COL5A1: variants seen among roughly 807,000 people sequenced by gnomAD.
The protein encoded by COL5A1 is collagen alpha-1(V) chain.
COL5A1 carries 16 observed loss-of-function variants against 263.7 expected under a neutral mutation model. That is an observed-to-expected ratio of 0.06 (90% CI 0.04 to 0.09). The LOEUF (loss-of-function observed/expected upper bound fraction) is 0.09. COL5A1 is among the 10% of genes least tolerant of loss of function. The pLI is 1.00. For missense variants in COL5A1, 2,036 were observed against 2,540.5 expected (o/e 0.80, Z 4.27); for synonymous variants, 1,012 against 1,004.5 (o/e 1.01, Z -0.14).
chr9:134,710,394 G>A (rs1333556467), intron 4 of COL5A1, among the ~76,000 whole-genome samples: 2 of 152,260 alleles, frequency 1.3e-5, no homozygotes, highest in South Asian at 2.1e-4. Flanking sequence ...CAAGCTCAGT[G>A]GGCAGGTAGG....
At chr9:134,711,817 C>T (rs1834051856) in intron 4 of COL5A1, among the ~76,000 whole-genome samples, 1 of 152,064 alleles carries the variant, frequency 6.6e-6, no homozygotes, top group Non-Finnish European at 1.5e-5. Context: ...TCTTCAGTCA[C>T]ATCTCCTGTG....
At chr9:134,775,012 T>A in intron 27 of COL5A1, 100 bp downstream of exon 27, 3 of 1,100,328 alleles carry the variant, frequency 2.7e-6, no homozygotes, top group Non-Finnish European at 4.1e-6. Flanking sequence ...TGGTTTAATG[T>A]CCCTGCTATT....
intron 9 of COL5A1, among the ~76,000 whole-genome samples, chr9:134,734,714 C>A (rs1369759709): frequency 6.6e-6 from 1 of 152,248 alleles, no homozygotes; most frequent in East Asian, 1.9e-4. Context: ...TCATCCTTAT[C>A]CTTGTGCTTC....
chr9:134,749,772 C>T (rs1835708629), intron 11 of COL5A1, among the ~76,000 whole-genome samples: 1 of 152,234 alleles, frequency 6.6e-6, no homozygotes, highest in Admixed American at 6.5e-5. Flanking sequence ...CAAGCCTCAT[C>T]TACTTTAGGC....
chr9:134,649,283 T>G, intron 1 of COL5A1: 1 of 327,942 alleles, frequency 3.0e-6, no homozygotes, highest in Non-Finnish European at 5.9e-6. Flanking sequence ...AGCAGAGGAG[T>G]TTTTCTGGAG....
intron 4 of COL5A1, among the ~76,000 whole-genome samples, chr9:134,715,587 CG>C (rs1554785031): frequency 6.6e-6 from 1 of 152,188 alleles, no homozygotes; most frequent in Non-Finnish European, 1.5e-5. Flanking sequence ...CAGAGGTCCC[CG>C]CGGCCTTCTG....
rs1588507183 is a variant in COL5A1, at chr9:134,755,267, T to C, written c.1827+941T>C. Among the ~76,000 whole-genome samples the C allele has an allele frequency of 6.6e-6, 1 of 152,218 alleles. No homozygotes were observed. The highest frequency in any genetic ancestry group is 1.9e-4 in the East Asian group (1 of 5,192). ...TTGGATCTGATTCTGAAAAATGTTT[T>C]ATTTCCTTAAGGTGTTTTTGTGTGT... On this transcript the variant is annotated intron_variant, in intron 16 of 65. Coordinates refer to ENST00000371817, the MANE Select transcript of COL5A1 (RefSeq NM_000093.5). The surrounding 1 kb of genome is among the most constrained non-coding windows in gnomAD (Gnocchi z 4.1).
intron 50 of COL5A1, among the ~76,000 whole-genome samples, chr9:134,815,146 G>A (rs1203533349): frequency 6.6e-6 from 1 of 152,266 alleles, no homozygotes; most frequent in Non-Finnish European, 1.5e-5. Flanking sequence ...TGGGCCAGGC[G>A]GCCGGCTGAG....
At chr9:134,692,584 G>T (rs760808860) in intron 2 of COL5A1, among the ~76,000 whole-genome samples, 1 of 152,180 alleles carries the variant, frequency 6.6e-6, no homozygotes, top group Non-Finnish European at 1.5e-5. Flanking sequence ...TGTGTGACAC[G>T]CTGAGGGGCA....
At chr9:134,836,900 G>A (rs1839871711) in intron 65 of COL5A1, among the ~76,000 whole-genome samples, 4 of 152,226 alleles carry the variant, frequency 2.6e-5, no homozygotes, top group Admixed American at 2.0e-4. Context: ...TCAGTACTTC[G>A]GATCTGACTG....
chr9:134,770,583 C>T (rs913681804), intron 25 of COL5A1, among the ~76,000 whole-genome samples: 9 of 152,196 alleles, frequency 5.9e-5, no homozygotes, highest in African/African-American at 9.7e-5. Flanking sequence ...TCTGCAGAGA[C>T]GACAGATGAT....
At chr9:134,820,317 C>A in intron 58 of COL5A1, 94 bp downstream of exon 58, 1 of 960,776 alleles carries the variant, frequency 1.0e-6, no homozygotes. Flanking sequence ...CATCAGAGCC[C>A]GGAAGGACGT....
chr9:134,776,836 C>T lies in COL5A1; in HGVS notation c.2385+1924C>T, dbSNP rs1003384820. 7.9e-5 allele frequency among the ~76,000 whole-genome samples: 12 copies of T among 152,300 alleles called. No individual in the cohort carries two copies. In the South Asian group the frequency reaches 1.7e-3, roughly 21 times the overall value. On this transcript the variant is annotated intron_variant, in intron 27 of 65. Transcript: ENST00000371817. ...ACAGCACCAGCAGATGCAGTGTCTG[C>T]GGAAGGCTGCTGTCTAGTTCCTTGA... is the stretch of plus-strand genomic sequence containing the variant.
At chr9:134,837,458 C>G (rs1839886128) in intron 65 of COL5A1, among the ~76,000 whole-genome samples, 1 of 151,996 alleles carries the variant, frequency 6.6e-6, no homozygotes, top group Non-Finnish European at 1.5e-5. Flanking sequence ...GCTTTTAAGA[C>G]CTTCCTGGAA....
At chr9:134,665,171 C>G (rs1271944946) in intron 1 of COL5A1, among the ~76,000 whole-genome samples, 3 of 152,198 alleles carry the variant, frequency 2.0e-5, no homozygotes, top group Non-Finnish European at 4.4e-5. Flanking sequence ...TGCACTCCAG[C>G]CTGGGCGACA....
intron 34 of COL5A1, 150 bp downstream of exon 34, chr9:134,795,465 C>A: frequency 1.5e-6 from 1 of 687,652 alleles, no homozygotes; most frequent in Non-Finnish European, 2.4e-6. Context: ...AGAAGCTTGT[C>A]CCCTCCAGCA....
intron 65 of COL5A1, among the ~76,000 whole-genome samples, chr9:134,840,400 C>G (rs181896398): frequency 6.6e-6 from 1 of 152,178 alleles, no homozygotes; most frequent in Non-Finnish European, 1.5e-5. Flanking sequence ...GAGCTTCATT[C>G]CTTCTCACAG....
chr9:134,745,668 A>G (rs1835484467), intron 11 of COL5A1, among the ~76,000 whole-genome samples: 1 of 151,998 alleles, frequency 6.6e-6, no homozygotes, highest in South Asian at 2.1e-4. Flanking sequence ...CTCAGTAGGA[A>G]CCCTCTCAAT....
At position 134,758,838 on chromosome 9, in the gene COL5A1, G is replaced by T. The variant is rs531071038; in HGVS notation, c.1935+542G>T. On this transcript the variant is annotated intron_variant, in intron 18 of 65. Transcript: ENST00000371817. This position sits in a 1 kb window ranked among gnomAD's most constrained non-coding sequence, Gnocchi z 4.1. Reference sequence around the variant, plus strand: ...GTCCCGAGCTAGTGCGGTGACCTGGGGGTCTTCCTGGCTGCGCCGTTTCTA... The same window carrying T: ...GTCCCGAGCTAGTGCGGTGACCTGGTGGTCTTCCTGGCTGCGCCGTTTCTA... Among the ~76,000 whole-genome samples the T allele has an allele frequency of 6.6e-6, 1 of 152,174 alleles. No individual in the cohort carries two copies. The highest frequency in any genetic ancestry group is 6.5e-5 in the Admixed American group (1 of 15,292).
Sources: gnomAD v4.1 joint callset for allele counts (sites outside exome capture counted in the v4.1 genomes callset) on GRCh38, gnomAD v4.1.1 for gene constraint, Gnocchi (gnomAD v3.1) non-coding constraint, MANE v1.5 for transcripts, NCBI Gene and HGNC (gene_info 2026-07-23, HGNC 2026-07-21) for gene names.